The following EHBP1 variants were observed in gnomAD, a reference collection of about 807,000 sequenced individuals.
EHBP1 encodes EH domain-binding protein 1.
EHBP1 carries 55 observed loss-of-function variants against 144.0 expected under a neutral mutation model. The ratio of observed to expected loss-of-function variants is 0.38; its 90% CI spans 0.31 to 0.48. EHBP1 has a LOEUF of 0.48. Among genes scored for constraint, EHBP1 ranks in the 20% least tolerant of loss-of-function variants. The probability of loss-of-function intolerance (pLI) is 0.98; values close to 1 mark genes in which losing one functional copy is unlikely to be tolerated. For synonymous variants in EHBP1, 469 were observed against 472.7 expected (o/e 0.99, Z 0.10); for missense variants, 1,200 against 1,364.2 (o/e 0.88, Z 1.90).
chr2:62,971,052 G>C (rs2058473732), intron 14 of EHBP1, among the ~76,000 whole-genome samples: 1 of 152,152 alleles, frequency 6.6e-6, no homozygotes, highest in Non-Finnish European at 1.5e-5. Context: ...TCCTTAAATT[G>C]TCAAGTTTTA....
intron 10 of EHBP1, among the ~76,000 whole-genome samples, chr2:62,936,029 A>T (rs964753855): frequency 3.9e-5 from 6 of 152,168 alleles, no homozygotes; most frequent in African/African-American, 1.4e-4. Flanking sequence ...TTAATAAATT[A>T]ATATTTTCAT....
intron 14 of EHBP1, among the ~76,000 whole-genome samples, chr2:62,978,309 T>G (rs1339802550): frequency 2.6e-5 from 4 of 151,700 alleles, no homozygotes; most frequent in Non-Finnish European, 5.9e-5. Flanking sequence ...CAAGTGATTC[T>G]CCTGCCTCAG....
chr2:62,788,986 A>G (rs2042999611), intron 5 of EHBP1, among the ~76,000 whole-genome samples: 1 of 152,178 alleles, frequency 6.6e-6, no homozygotes, highest in Non-Finnish European at 1.5e-5. Flanking sequence ...TGAAAAGCAT[A>G]TGTCCTGTGA....
intron 7 of EHBP1, among the ~76,000 whole-genome samples, chr2:62,838,920 G>T (rs2047545325): frequency 7.8e-6 from 1 of 128,598 alleles, no homozygotes; most frequent in Non-Finnish European, 1.6e-5. Context: ...GTACAAGGAG[G>T]AACTGGTACC....
intron 19 of EHBP1, among the ~76,000 whole-genome samples, chr2:63,026,287 C>G (rs950273705): frequency 2.9e-5 from 4 of 138,408 alleles, no homozygotes; most frequent in African/African-American, 1.1e-4. Context: ...GAATATGGCT[C>G]TCTACCTTGT....
intron 19 of EHBP1, among the ~76,000 whole-genome samples, chr2:63,033,011 A>G (rs2061325120): frequency 1.3e-5 from 2 of 152,188 alleles, no homozygotes; most frequent in Non-Finnish European, 2.9e-5. Flanking sequence ...GTTTGAGGAT[A>G]TTGTTGGATC....
chr2:63,034,106 G>A (rs1454403554), intron 19 of EHBP1, among the ~76,000 whole-genome samples: 2 of 151,910 alleles, frequency 1.3e-5, no homozygotes, highest in Non-Finnish European at 2.9e-5. Flanking sequence ...AACAAAGTAG[G>A]AAAAAATATT....
At chr2:62,988,171 T>C (rs1021313949) in intron 15 of EHBP1, 16 of 572,296 alleles carry the variant, frequency 2.8e-5, no homozygotes, top group Non-Finnish European at 4.8e-5. Flanking sequence ...CCATTTAGCT[T>C]AGTCCACCTT....
intron 1 of EHBP1, among the ~76,000 whole-genome samples, chr2:62,697,817 T>A (rs1275069464): frequency 6.6e-6 from 1 of 152,238 alleles, no homozygotes; most frequent in Non-Finnish European, 1.5e-5. Flanking sequence ...AACTGAAAGT[T>A]AATAAGATAT....
At chr2:62,999,771 A>G (rs1223634143) in intron 19 of EHBP1, among the ~76,000 whole-genome samples, 5 of 152,160 alleles carry the variant, frequency 3.3e-5, no homozygotes, top group Admixed American at 6.5e-5. Flanking sequence ...TACTATGAAC[A>G]TTTGTGTACA....
chr2:63,030,789 C>CTTTTT (rs1226186842), intron 19 of EHBP1, among the ~76,000 whole-genome samples: 36 of 85,082 alleles, frequency 4.2e-4, no homozygotes, highest in South Asian at 7.6e-4. Context: ...GCACACCCAG[C>CTTTTT]TTTTTTTTTT....
rs1317699948 is a variant in EHBP1 at position 63,046,001 on chromosome 2, A to G, written c.*501A>G. On this transcript the variant is annotated 3_prime_UTR_variant, in exon 23 of 23. Coordinates refer to ENST00000431489, the MANE Select transcript of EHBP1 (RefSeq NM_001142616.3). ...GTTACCTAAATTTTATAGTTAGATC[A>G]TATCCAATCTACTTATTAAACTGTG... The G allele has an allele frequency of 6.4e-6, 1 of 155,120 alleles. No individual in the cohort carries two copies. The highest frequency in any genetic ancestry group is 1.9e-4 in the East Asian group (1 of 5,258). The allele number at this position is 155,120 out of a possible 1,614,324, so 9.6% of individuals were successfully genotyped here.
intron 7 of EHBP1, among the ~76,000 whole-genome samples, chr2:62,855,274 T>C (rs1005076804): frequency 1.3e-5 from 2 of 152,156 alleles, no homozygotes; most frequent in African/African-American, 2.4e-5. Context: ...GTGCACATGC[T>C]CAGGGCAGTG....
chr2:62,715,527 A>C (rs2035589460), intron 2 of EHBP1, among the ~76,000 whole-genome samples: 1 of 151,996 alleles, frequency 6.6e-6, no homozygotes, highest in South Asian at 2.1e-4. Flanking sequence ...CAGAATAAAG[A>C]TTATATTTTC....
intron 10 of EHBP1, among the ~76,000 whole-genome samples, chr2:62,931,938 G>A (rs1296713094): frequency 6.6e-6 from 1 of 152,054 alleles, no homozygotes; most frequent in East Asian, 1.9e-4. Context: ...TAGCACTTTG[G>A]GAGGCCAAGG....
chr2:62,701,553 A>G (rs2034282140), upstream of EHBP1, among the ~76,000 whole-genome samples: 1 of 152,190 alleles, frequency 6.6e-6, no homozygotes, highest in Admixed American at 6.5e-5. Flanking sequence ...ACATTCTGTT[A>G]TATTCCTTTG....
At chr2:62,801,528 T>C (rs1298898495) in intron 5 of EHBP1, among the ~76,000 whole-genome samples, 1 of 152,214 alleles carries the variant, frequency 6.6e-6, no homozygotes, top group Non-Finnish European at 1.5e-5. Flanking sequence ...ATGCATTTGA[T>C]CAACATTTAA....
intron 2 of EHBP1, among the ~76,000 whole-genome samples, chr2:62,745,478 A>G (rs1344530548): frequency 6.6e-6 from 1 of 151,946 alleles, no homozygotes; most frequent in Non-Finnish European, 1.5e-5. Flanking sequence ...TAGGTAGAAA[A>G]ATGGAAGAGG....
chr2:62,766,583 G>A (rs1244935940), intron 4 of EHBP1, among the ~76,000 whole-genome samples: 1 of 152,084 alleles, frequency 6.6e-6, no homozygotes, highest in African/African-American at 2.4e-5. Context: ...CTGATACATG[G>A]AGTGGACTTG....
Sources: allele counts gnomAD v4.1 joint callset (sites outside exome capture counted in the v4.1 genomes callset), GRCh38; gene constraint gnomAD v4.1.1; transcripts MANE v1.5; gene names NCBI Gene and HGNC (gene_info 2026-07-23, HGNC 2026-07-21).